MICAL2: variants seen among roughly 807,000 people sequenced by gnomAD.
MICAL2 encodes [F-actin]-monooxygenase MICAL2.
Under a neutral mutation model 127.3 loss-of-function variants are expected in MICAL2, and 77 were observed. The ratio of observed to expected loss-of-function variants is 0.60; its 90% CI spans 0.50 to 0.73. The LOEUF (loss-of-function observed/expected upper bound fraction) is 0.73. MICAL2 is among the 30% of genes least tolerant of loss of function. The probability of loss-of-function intolerance (pLI) is 0.00; values close to 1 mark genes in which losing one functional copy is unlikely to be tolerated. For missense variants in MICAL2, 1,351 were observed against 1,434.4 expected (o/e 0.94, Z 0.94); for synonymous variants, 570 against 551.1 (o/e 1.03, Z -0.48).
chr11:12,130,377 G>A (rs982070489), intron 1 of MICAL2, among the ~76,000 whole-genome samples: 5 of 152,182 alleles, frequency 3.3e-5, no homozygotes, highest in African/African-American at 1.2e-4. Flanking sequence ...CCTGCAGGGG[G>A]CTGAATCAGA....
intron 2 of MICAL2, among the ~76,000 whole-genome samples, chr11:12,140,498 C>CTT (rs61115916): frequency 2.7e-4 from 36 of 132,534 alleles, no homozygotes; most frequent in African/African-American, 5.2e-4. Flanking sequence ...AACTTTGGCT[C>CTT]TTTTTTTTTT....
chr11:12,330,861 TAGAGAGAGAGAG>T (rs1158050371), intron 32 of MICAL2, among the ~76,000 whole-genome samples: 1 of 67,064 alleles, frequency 1.5e-5, no homozygotes, highest in African/African-American at 4.5e-5. Context: ...GAGAGAGGGG[TAGAGAGAGAGAG>T]AGAGAGAGAC....
intron 30 of MICAL2, chr11:12,323,907 T>A: frequency 6.6e-7 from 1 of 1,511,762 alleles, no homozygotes; most frequent in South Asian, 1.3e-5. Flanking sequence ...GGTAGAAGCC[T>A]ATAACGATAT....
intron 26 of MICAL2, chr11:12,260,315 C>G: frequency 7.0e-7 from 1 of 1,423,412 alleles, no homozygotes; most frequent in Non-Finnish European, 9.1e-7. Context: ...ACATGGGCCA[C>G]CTCCGCCTGG....
chr11:12,152,498 T>C (rs556266905), intron 2 of MICAL2, among the ~76,000 whole-genome samples: 10 of 152,098 alleles, frequency 6.6e-5, no homozygotes, highest in African/African-American at 2.4e-4. Flanking sequence ...GTCTGAGTGT[T>C]CTTCCTGGGT....
At chr11:12,147,493 G>A (rs1359523904) in intron 2 of MICAL2, among the ~76,000 whole-genome samples, 1 of 152,200 alleles carries the variant, frequency 6.6e-6, no homozygotes, top group East Asian at 1.9e-4. Context: ...TACCAACTGA[G>A]AACCCAGAGC....
At chr11:12,199,734 C>T (rs1232248510) in intron 3 of MICAL2, among the ~76,000 whole-genome samples, 3 of 152,166 alleles carry the variant, frequency 2.0e-5, no homozygotes, top group Non-Finnish European at 4.4e-5. Flanking sequence ...AGTTGGTCAC[C>T]ATCCCCCCAT....
At chr11:12,320,937 C>CGTGTGT (rs1864287650) in intron 30 of MICAL2, among the ~76,000 whole-genome samples, 1 of 152,098 alleles carries the variant, frequency 6.6e-6, no homozygotes, top group South Asian at 2.1e-4. Context: ...AAATGAATTC[C>CGTGTGT]GTGTGTCTTG....
chr11:12,244,401 C>T (rs924777137), intron 21 of MICAL2, among the ~76,000 whole-genome samples: 5 of 152,156 alleles, frequency 3.3e-5, no homozygotes, highest in African/African-American at 4.8e-5. Context: ...ACAGAGAGGG[C>T]GGTGCAGTTC....
chr11:12,124,189 A>G lies in MICAL2; in HGVS notation c.-149+13463A>G, dbSNP rs543182451. ...GTTAAATTCAGTGCAGCCCTGTTCC[A>G]TTGATCAGAATCCTATTTAAGTATG... On this transcript the variant is annotated intron_variant, in intron 1 of 27. Transcript: ENST00000683283. Among the ~76,000 whole-genome samples, 52 of 152,232 alleles carry G rather than the reference A, an allele frequency of 3.4e-4. 1 individual carries two copies. Among genetic ancestry groups the G allele is most frequent in the Middle Eastern group, 3.4e-3 (1 of 294 alleles).
At chr11:12,357,802 C>A (rs192423599) in intron 34 of MICAL2, among the ~76,000 whole-genome samples, 131 of 152,150 alleles carry the variant, frequency 8.6e-4, no homozygotes, top group Non-Finnish European at 1.6e-3. Context: ...CATGCCACTG[C>A]ACTCCAGCCT....
chr11:12,303,609 C>T (rs1260067033), intron 29 of MICAL2: 1 of 152,188 alleles, frequency 6.6e-6, no homozygotes, highest in African/African-American at 2.4e-5. Context: ...TAATTCTTGG[C>T]TCAGTGCAGT....
chr11:12,319,180 C>T (rs1864263747), intron 29 of MICAL2, among the ~76,000 whole-genome samples: 1 of 152,132 alleles, frequency 6.6e-6, no homozygotes, highest in African/African-American at 2.4e-5. Context: ...CTGACGCCAG[C>T]TCTTTTACAC....
chr11:12,308,195 AAGTCTTGAAAAC>A (rs1390024504), intron 29 of MICAL2: 1 of 152,180 alleles, frequency 6.6e-6, no homozygotes, highest in Non-Finnish European at 1.5e-5. Context: ...CAGCTAGAAT[AAGTCTTGAAAAC>A]AGGTAGGGAA....
chr11:12,175,438 T>C, intron 3 of MICAL2, among the ~76,000 whole-genome samples: 1 of 151,704 alleles, frequency 6.6e-6, no homozygotes, highest in Admixed American at 6.6e-5. Flanking sequence ...ATTGCGCCAC[T>C]CCACTCCAGC....
At chr11:12,358,204 A>G in intron 34 of MICAL2, 9 of 1,274,622 alleles carry the variant, frequency 7.1e-6, no homozygotes, top group Non-Finnish European at 9.8e-6. Context: ...TAAAGGCAGA[A>G]CAAGTCCATA....
intron 29 of MICAL2, among the ~76,000 whole-genome samples, chr11:12,316,026 G>A (rs1284035336): frequency 6.6e-6 from 1 of 151,848 alleles, no homozygotes; most frequent in Non-Finnish European, 1.5e-5. Flanking sequence ...CTTTTATTAT[G>A]GAATGTCCCT....
chr11:12,138,660 A>G (rs1274349213), intron 2 of MICAL2, among the ~76,000 whole-genome samples, 200 bp downstream of exon 2: 1 of 152,122 alleles, frequency 6.6e-6, no homozygotes, highest in Non-Finnish European at 1.5e-5. Context: ...CCACTGAGTT[A>G]GGGTTTGTTC....
intron 1 of MICAL2, chr11:12,280,863 G>A (rs1271840246): frequency 7.5e-6 from 3 of 398,228 alleles, no homozygotes; most frequent in African/African-American, 2.1e-5. Context: ...TGGGCAGGAC[G>A]CAGTGTGGGT....
Sources: allele counts gnomAD v4.1 joint callset (sites outside exome capture counted in the v4.1 genomes callset), GRCh38; gene constraint gnomAD v4.1.1; transcripts MANE v1.5; gene names NCBI Gene and HGNC (gene_info 2026-07-23, HGNC 2026-07-21).